ANKHD1: variants seen among roughly 807,000 people sequenced by gnomAD.
The protein encoded by ANKHD1 is ankyrin repeat and KH domain-containing protein 1.
ANKHD1 carries 31 observed loss-of-function variants against 230.5 expected under a neutral mutation model. That is an observed-to-expected ratio of 0.13 (90% CI 0.10 to 0.18). ANKHD1 has a LOEUF of 0.18. Ranked by LOEUF, ANKHD1 falls within the 10% of genes least tolerant of loss-of-function variation. ANKHD1 has a pLI of 1.00. For missense variants in ANKHD1, 2,256 were observed against 3,071.3 expected, an observed-to-expected ratio of 0.73 and a Z score of 6.27; for synonymous variants, 1,074 against 1,117.6, an observed-to-expected ratio of 0.96 and a Z score of 0.78.
At position 140,457,384 on chromosome 5, in the gene ANKHD1, G is replaced by C. The variant is rs549814532; in HGVS notation, c.1243-1241G>C. ...TACCCAAAGGATTATAAATCATGCT[G>C]CTATAAAGACAGATGCACACATATG... is the stretch of plus-strand genomic sequence containing the variant. On this transcript the variant is annotated intron_variant, in intron 7 of 33. Transcript: ENST00000360839. Among the ~76,000 whole-genome samples the C allele has an allele frequency of 8.9e-4, 136 of 152,262 alleles. 2 individuals carry two copies. The highest frequency in any genetic ancestry group is 3.1e-3 in the African/African-American group (127 of 41,550).
At chr5:140,513,546 C>T (rs779094507) in intron 24 of ANKHD1, 67 bp downstream of exon 24, 7 of 1,512,840 alleles carry the variant, frequency 4.6e-6, no homozygotes, top group South Asian at 1.2e-5. Context: ...CGGTGGCTCA[C>T]GCCTATGATC....
At chr5:140,420,030 C>T (rs777711466) in intron 1 of ANKHD1, among the ~76,000 whole-genome samples, 4 of 128,764 alleles carry the variant, frequency 3.1e-5, no homozygotes, top group Non-Finnish European at 4.9e-5. Context: ...CTCCCTCCCT[C>T]TGTTGCCCAG....
At chr5:140,435,441 G>A (rs7732979) in intron 1 of ANKHD1, among the ~76,000 whole-genome samples, 2,319 of 150,782 alleles carry the variant, frequency 0.015, 61 homozygotes, top group African/African-American at 0.052. Flanking sequence ...ACAATGGCAC[G>A]ATCTCGGCTC....
chr5:140,532,674 T>C (rs759175730), intron 29 of ANKHD1, among the ~76,000 whole-genome samples: 9 of 152,238 alleles, frequency 5.9e-5, no homozygotes, highest in Non-Finnish European at 8.8e-5. Context: ...TCTGTGAATA[T>C]ACAAAAAGCT....
chr5:140,531,580 G>GA lies in ANKHD1; in HGVS notation c.6850+1795dup, dbSNP rs961355207. 3.0e-3 allele frequency among the ~76,000 whole-genome samples: 435 copies of GA among 143,642 alleles called. 1 individual carries two copies. The highest frequency in any genetic ancestry group is 0.018 in the Middle Eastern group (5 of 284). 94.2% of individuals were successfully genotyped at this position (143,642 alleles called of 152,430 possible). On this transcript the variant is annotated intron_variant, in intron 29 of 33. Transcript: ENST00000360839. ...CTGAACAAAAGAGCGAGACTGTCAG[G>GA]AAAAAAAAAAAGTAGTAATACTTAA...
chr5:140,494,323 G>C (rs534556509), intron 14 of ANKHD1, among the ~76,000 whole-genome samples: 2 of 152,230 alleles, frequency 1.3e-5, no homozygotes, highest in African/African-American at 4.8e-5. Flanking sequence ...AAAGAATAAA[G>C]TCTTTTTCCA....
chr5:140,415,587 C>T (rs192971233), intron 1 of ANKHD1, among the ~76,000 whole-genome samples: 31 of 150,378 alleles, frequency 2.1e-4, no homozygotes, highest in African/African-American at 7.3e-4. Context: ...TACAGGTGCA[C>T]GCCACCACGC....
Position 140,462,724 on chromosome 5 carries a change from C to CA in ANKHD1, c.1673-1928dup, listed in dbSNP as rs70988762. Among the ~76,000 whole-genome samples the CA allele has an allele frequency of 1.7e-3, 150 of 89,002 alleles. 4 individuals carry two copies. The highest frequency in any genetic ancestry group is 2.4e-3 in the Admixed American group (17 of 7,070). 58.4% of individuals were successfully genotyped at this position (89,002 alleles called of 152,430 possible). On this transcript the variant is annotated intron_variant, in intron 9 of 33. Transcript: ENST00000360839. ...TGGGTGACAGAGCGAGACTCCATCT[C>CA]AAAAAAAAAAAAAAAGAATGGCAAG... is the stretch of plus-strand genomic sequence containing the variant.
chr5:140,402,145 GGCGGCGGCGGCA>G lies in ANKHD1; in HGVS notation c.184_195del (p.Gly62_Gly65del), dbSNP rs755898462. On this transcript the variant is annotated inframe_deletion, in exon 1 of 34. Coordinates refer to ENST00000360839, the MANE Select transcript of ANKHD1 (RefSeq NM_017747.3). Reference sequence around the variant, plus strand: ...GCCAGCGTCGGGAGTCGGCAGCAGCGGCGGCGGCGGCAGCGGCAGCGGTACGGGCGGAGGGGA... The same window carrying G: ...GCCAGCGTCGGGAGTCGGCAGCAGCGGCGGCAGCGGTACGGGCGGAGGGGA... 29 of 1,509,514 alleles carry G rather than the reference GGCGGCGGCGGCA, an allele frequency of 1.9e-5. No individual in the cohort carries two copies. The Admixed American group carries it at 4.7e-4, about 25-fold the overall frequency. The allele number at this position is 1,509,514 out of a possible 1,614,324, so 93.5% of individuals were successfully genotyped here. A position where few individuals can be genotyped will look rare whatever the true frequency, so the allele number is the denominator to read the frequency against.
intron 4 of ANKHD1, among the ~76,000 whole-genome samples, chr5:140,440,642 G>A (rs1370965596): frequency 6.6e-6 from 1 of 152,116 alleles, no homozygotes; most frequent in East Asian, 1.9e-4. Flanking sequence ...TGTTAGAACA[G>A]TACTGGGAAT....
chr5:140,538,411 C>T, intron 32 of ANKHD1, 150 bp downstream of exon 32: 2 of 1,353,498 alleles, frequency 1.5e-6, no homozygotes, highest in Non-Finnish European at 2.0e-6. Flanking sequence ...ACAGAGTTGT[C>T]CACAGTAGTT....
intron 14 of ANKHD1, among the ~76,000 whole-genome samples, chr5:140,488,928 C>T (rs1751634509): frequency 6.6e-6 from 1 of 151,914 alleles, no homozygotes; most frequent in South Asian, 2.1e-4. Flanking sequence ...CAGGGGCTCA[C>T]ACCTATAATC....
chr5:140,487,092 G>A (rs1469564855), intron 14 of ANKHD1, 32 bp downstream of exon 14: 13 of 1,591,720 alleles, frequency 8.2e-6, no homozygotes, highest in Non-Finnish European at 1.1e-5. Flanking sequence ...CTTAAAATGG[G>A]TATTTTTTCA....
rs201467662 is a variant in ANKHD1 at position 140,529,122 on chromosome 5, C to T, written c.6176C>T (p.Pro2059Leu). ...TGCAGTAGCTCTGCCAGCAACACCCCGGGAGCTCCAGAAACTCACCCATCC... is the reference window on the plus strand; with the variant it reads ...TGCAGTAGCTCTGCCAGCAACACCCTGGGAGCTCCAGAAACTCACCCATCC... ...NSCSSSASNTPGAPETHPSSS... is the reference protein window; with the variant it reads ...NSCSSSASNTLGAPETHPSSS... The change falls in exon 29 of 34, where the codon CCG becomes CTG. Residue 2059 changes from proline to leucine, a missense_variant. Coordinates refer to ENST00000360839, the MANE Select transcript of ANKHD1 (RefSeq NM_017747.3). 105 of 1,614,096 alleles carry T rather than the reference C, an allele frequency of 6.5e-5. No homozygotes were observed. In the African/African-American group the frequency reaches 8.5e-4, roughly 13 times the overall value.
intron 1 of ANKHD1, among the ~76,000 whole-genome samples, chr5:140,403,647 G>C (rs1770176785): frequency 6.6e-6 from 1 of 152,180 alleles, no homozygotes; most frequent in African/African-American, 2.4e-5. Context: ...CTGACCTTGT[G>C]ATCCCAAGGG....
chr5:140,482,112 C>A (rs1364065854), intron 10 of ANKHD1, among the ~76,000 whole-genome samples: 4 of 151,660 alleles, frequency 2.6e-5, no homozygotes, highest in Non-Finnish European at 5.9e-5. Flanking sequence ...TATTTTTCTT[C>A]TTCATTTTTC....
intron 10 of ANKHD1, among the ~76,000 whole-genome samples, chr5:140,476,380 T>A (rs943195796): frequency 1.3e-5 from 2 of 152,098 alleles, no homozygotes; most frequent in Admixed American, 6.6e-5. Flanking sequence ...GACTGAAGAA[T>A]CATATCCATC....
intron 9 of ANKHD1, among the ~76,000 whole-genome samples, chr5:140,464,264 C>T (rs1775932363): frequency 6.6e-6 from 1 of 151,610 alleles, no homozygotes. Flanking sequence ...TCTGTGTTTT[C>T]CCTTAACCAT....
intron 1 of ANKHD1, among the ~76,000 whole-genome samples, chr5:140,418,068 C>G (rs1051029780): frequency 1.3e-5 from 2 of 151,584 alleles, no homozygotes; most frequent in Non-Finnish European, 1.5e-5. Context: ...TCTCAAACTC[C>G]CGACCTCAGG....
Sources: gnomAD v4.1 joint callset for allele counts (sites outside exome capture counted in the v4.1 genomes callset) on GRCh38, gnomAD v4.1.1 for gene constraint, MANE v1.5 for transcripts, NCBI Gene and HGNC (gene_info 2026-07-23, HGNC 2026-07-21) for gene names.